KRT26: variants seen among roughly 807,000 people sequenced by gnomAD.
KRT26 encodes the protein keratin 26.
KRT26 carries 45 observed loss-of-function variants against 46.1 expected under a neutral mutation model. The observed-to-expected ratio is 0.98, with a 90% confidence interval of 0.77 to 1.25. The LOEUF (loss-of-function observed/expected upper bound fraction) is 1.25, where lower values mean the gene tolerates loss of function less well. KRT26 is among the 50% of genes most tolerant of loss of function. The pLI is 0.00. For missense variants in KRT26, 582 were observed against 560.1 expected (o/e 1.04, Z -0.39); for synonymous variants, 191 against 209.9 (o/e 0.91, Z 0.78).
exon 1 of KRT26, chr17:40,772,148 A>G (rs887743627): frequency 1.9e-6 from 3 of 1,579,288 alleles, no homozygotes; most frequent in Non-Finnish European, 2.6e-6. Context: ...CTTCCCAGAA[A>G]GAGGAGCAAA....
rs1243473979 is a variant in KRT26 at position 40,771,399 on chromosome 17, C to T, written c.442-163G>A. ...TTCTTCAGATAATAAGCATCCAGAG[C>T]TTAAGAGCCACATAGATACTTTTAC... is the stretch of plus-strand genomic sequence containing the variant. On this transcript the variant is annotated intron_variant, in intron 1 of 7. Transcript: ENST00000335552. 3.3e-5 allele frequency among the ~76,000 whole-genome samples: 5 copies of T among 152,184 alleles called. No individual in the cohort carries two copies. In the East Asian group the frequency reaches 9.6e-4, roughly 29 times the overall value.
upstream of KRT26, chr17:40,772,196 C>T (rs1315380979): frequency 2.7e-6 from 3 of 1,091,478 alleles, no homozygotes; most frequent in African/African-American, 3.1e-5. Context: ...GCTCCCTTGG[C>T]CTTTTATAGT....
At position 40,769,308 on chromosome 17, in the gene KRT26, C is replaced by T. The variant is rs182738737; in HGVS notation, c.970-212G>A. The stretch of plus-strand genomic sequence containing the variant: ...AGTATGTGGGATTACAGGTACATGC[C>T]ACCACACCCAGCTAATTTTTATATT... On this transcript the variant is annotated intron_variant, in intron 5 of 7. Transcript: ENST00000335552. 9.8e-4 allele frequency among the ~76,000 whole-genome samples: 149 copies of T among 152,158 alleles called. 1 individual carries two copies. The highest frequency in any genetic ancestry group is 3.2e-3 in the African/African-American group (132 of 41,488).
At position 40,766,865 on chromosome 17, in the gene KRT26, G is replaced by T. The variant is rs530297584; in HGVS notation, c.1256-199C>A. On this transcript the variant is annotated intron_variant, in intron 7 of 7. Transcript: ENST00000335552. ...AGAGATTCTTCTGCCTCAGTCTCCC[G>T]AGTAGCTGGGATTACAGATGCCTGC... is the stretch of plus-strand genomic sequence containing the variant. Among the ~76,000 whole-genome samples, 6 of 151,990 alleles carry T rather than the reference G, an allele frequency of 3.9e-5. No homozygotes were observed. In the South Asian group the frequency reaches 1.3e-3, roughly 32 times the overall value.
At position 40,767,632 on chromosome 17, in the gene KRT26, G is replaced by C. The variant is rs1167284445; in HGVS notation, c.1209C>G (p.Tyr403Ter). 6.2e-7 allele frequency: 1 copy of C among 1,605,858 alleles called. No individual in the cohort carries two copies. Among genetic ancestry groups the C allele is most frequent in the African/African-American group, 1.3e-5 (1 of 74,708 alleles). The change falls in exon 7 of 8, where the codon TAC becomes TAG. Residue 403 changes from tyrosine (Y) to a stop codon, truncating the protein, a stop_gained. Coordinates refer to ENST00000335552, the Ensembl canonical transcript of KRT26. LOFTEE classifies it low-confidence loss of function (END_TRUNC). Reference sequence around the variant, plus strand: ...TCACAGGCCTGTATCCTTTTGATTTGTAACATGTGGATTTGCTTTTTCTGT... The same window carrying C: ...TCACAGGCCTGTATCCTTTTGATTTCTAACATGTGGATTTGCTTTTTCTGT...
Position 40,766,585 on chromosome 17 carries a change from G to C in KRT26, c.1337C>G (p.Ser446Ter). 1.9e-6 allele frequency: 3 copies of C among 1,613,130 alleles called. No individual in the cohort carries two copies. The highest frequency in any genetic ancestry group is 2.5e-6 in the Non-Finnish European group (3 of 1,179,214). The change falls in exon 8 of 8, where the codon TCA becomes TGA. Residue 446 changes from serine (S) to a stop codon, truncating the protein, a stop_gained. Transcript: ENST00000335552. LOFTEE classifies it high-confidence loss of function. ...TATTTTAGAGGACTTTTCTTCAACT[G>C]AGTGGACTCTCAGTGAAAGGAGATT... is the stretch of plus-strand genomic sequence containing the variant.
exon 3 of KRT26, chr17:40,770,335 A>T: frequency 6.2e-7 from 1 of 1,614,096 alleles, no homozygotes; most frequent in Non-Finnish European, 8.5e-7. Context: ...ACAAAGGGTC[A>T]GTTCATCCAA....
At chr17:40,771,819 C>A (rs1301248824) in exon 1 of KRT26, 1 of 1,614,030 alleles carries the variant, frequency 6.2e-7, no homozygotes, top group Non-Finnish European at 8.5e-7. Context: ...TGCACATGGT[C>A]CAGGTAGGAT....
exon 8 of KRT26, chr17:40,766,615 A>G: frequency 1.9e-6 from 3 of 1,613,298 alleles, no homozygotes; most frequent in Non-Finnish European, 2.5e-6. Flanking sequence ...GAGATTGCCA[A>G]TTTGATCCAG....
chr17:40,767,197 T>C (rs1371002045), intron 7 of KRT26, among the ~76,000 whole-genome samples: 3 of 152,222 alleles, frequency 2.0e-5, no homozygotes, highest in Admixed American at 6.5e-5. Context: ...AAATGAAACA[T>C]GGATTAAAAC....
chr17:40,771,942 T>C, exon 1 of KRT26: 1 of 1,614,136 alleles, frequency 6.2e-7, no homozygotes, highest in African/African-American at 1.3e-5. Flanking sequence ...CCACCGCTAT[T>C]GCAGAAGCTT....
chr17:40,771,222 G>C, exon 2 of KRT26: 2 of 1,600,318 alleles, frequency 1.2e-6, no homozygotes, highest in Non-Finnish European at 1.7e-6. Flanking sequence ...CATTGCAGAT[G>C]GTCGCAGAAA....
exon 1 of KRT26, chr17:40,771,897 C>T (rs1360716790): frequency 6.2e-7 from 1 of 1,614,024 alleles, no homozygotes; most frequent in East Asian, 2.2e-5. Flanking sequence ...TGCTCATTGC[C>T]AAGAAAACCA....
chr17:40,767,153 C>T (rs1019551351), intron 7 of KRT26, among the ~76,000 whole-genome samples: 2 of 152,120 alleles, frequency 1.3e-5, no homozygotes, highest in Non-Finnish European at 2.9e-5. Flanking sequence ...TTATATTTGC[C>T]ACTGCTTTTA....
Position 40,769,750 on chromosome 17 carries a change from G to A in KRT26, c.969+4C>T, listed in dbSNP as rs16966256. On this transcript the variant is annotated splice_donor_region_variant and intron_variant, in intron 5 of 7. Transcript: ENST00000335552. ...TATTCAATTCAATGGCGATTCCTAC[G>A]TACCACAGCCATGAGGGACTGAAGT... is the stretch of plus-strand genomic sequence containing the variant. The A allele has an allele frequency of 0.14, 222,436 of 1,613,530 alleles. 17,445 individuals carry two copies. Among genetic ancestry groups the A allele is most frequent in the Admixed American group, 0.33 (19,684 of 59,978 alleles).
exon 8 of KRT26, chr17:40,766,537 C>T (rs2038173754): frequency 8.1e-6 from 13 of 1,610,666 alleles, no homozygotes; most frequent in Non-Finnish European, 1.1e-5. Flanking sequence ...AGAAGGTACT[C>T]GTTGCTCTAC....
intron 6 of KRT26, among the ~76,000 whole-genome samples, 190 bp downstream of exon 6, chr17:40,768,689 T>C (rs1486941543): frequency 6.6e-6 from 1 of 152,226 alleles, no homozygotes; most frequent in Non-Finnish European, 1.5e-5. Flanking sequence ...ATATTTTGCA[T>C]ACTTAGAAAT....
exon 6 of KRT26, chr17:40,769,044 T>A: frequency 6.2e-7 from 1 of 1,614,086 alleles, no homozygotes; most frequent in East Asian, 2.2e-5. Flanking sequence ...TTGCTGGAGT[T>A]GATTGCAGTA....
chr17:40,770,473 A>C, intron 2 of KRT26, 64 bp from the exon 3 acceptor site: 1 of 1,337,182 alleles, frequency 7.5e-7, no homozygotes, highest in Non-Finnish European at 1.0e-6. Flanking sequence ...CAACTTTTTA[A>C]GGTATTTCAT....
Sources: allele counts gnomAD v4.1 joint callset (sites outside exome capture counted in the v4.1 genomes callset), GRCh38; gene constraint gnomAD v4.1.1; transcripts MANE v1.5; gene names NCBI Gene and HGNC (gene_info 2026-07-23, HGNC 2026-07-21).